The following PRR33 variants were observed in gnomAD, a reference collection of about 807,000 sequenced individuals.
PRR33 encodes proline-rich protein 33.
PRR33 carries 1 observed loss-of-function variant against 0.5 expected under a neutral mutation model. That is an observed-to-expected ratio of 2.18 (90% CI 0.77 to 10.34). The LOEUF (loss-of-function observed/expected upper bound fraction) is 10.34, where lower values mean the gene tolerates loss of function less well. Ranked by LOEUF, PRR33 falls within the 30% of genes most tolerant of loss-of-function variation. The pLI, the probability that PRR33 is intolerant of heterozygous loss-of-function variation, is 0.13. For missense variants in PRR33, 552 were observed against 251.8 expected, an observed-to-expected ratio of 2.19 and a Z score of -8.07; for synonymous variants, 226 against 110.0, an observed-to-expected ratio of 2.06 and a Z score of -6.60.
At chr11:1,893,423 G>T (rs1275303484), upstream of PRR33, among the ~76,000 whole-genome samples, 2 of 141,336 alleles carry the variant, frequency 1.4e-5, no homozygotes, top group African/African-American at 5.2e-5. Context: ...GTGGGTGGGA[G>T]GATGGCTGGC....
chr11:1,888,050 C>T (rs556946917), downstream of PRR33, among the ~76,000 whole-genome samples: 1 of 152,294 alleles, frequency 6.6e-6, no homozygotes, highest in South Asian at 2.1e-4. Flanking sequence ...CTCCCCATCC[C>T]ATGCTGCAGA....
At chr11:1,913,367 C>T in the PRR33 span, among the ~76,000 whole-genome samples, 10 of 151,028 alleles carry the variant, frequency 6.6e-5, no homozygotes, top group East Asian at 4.0e-4. Context: ...AGGCTGGTCT[C>T]GAACTCCTGA....
At chr11:1,912,328 T>A in the PRR33 span, among the ~76,000 whole-genome samples, 1 of 152,106 alleles carries the variant, frequency 6.6e-6, no homozygotes, top group Non-Finnish European at 1.5e-5. Flanking sequence ...GAATGCAAGG[T>A]TCAATGTCTT....
chr11:1,899,204 G>T, the PRR33 span, among the ~76,000 whole-genome samples: 1 of 152,174 alleles, frequency 6.6e-6, no homozygotes, highest in Non-Finnish European at 1.5e-5. Context: ...TATCTGGGAT[G>T]CCAGCTGCTT....
chr11:1,897,220 C>A, the PRR33 span, among the ~76,000 whole-genome samples: 3 of 152,168 alleles, frequency 2.0e-5, no homozygotes, highest in Non-Finnish European at 4.4e-5. The surrounding 1 kb of genome is among the most constrained non-coding windows in gnomAD (Gnocchi z 4.0). Context: ...ATGGAGAAGG[C>A]GGAACATAAA....
chr11:1,904,251 G>A, the PRR33 span, among the ~76,000 whole-genome samples: 5 of 152,186 alleles, frequency 3.3e-5, no homozygotes, highest in African/African-American at 7.2e-5. Flanking sequence ...AAACTTGGCC[G>A]GGCGCAGTGG....
At position 1,890,101 on chromosome 11, in the gene PRR33, G is replaced by A. The variant is rs548512157; in HGVS notation, c.484C>T (p.Arg162Trp). 266 of 716,616 alleles carry A rather than the reference G, an allele frequency of 3.7e-4. 1 individual carries two copies. In the African/African-American group the frequency reaches 4.3e-3, roughly 12 times the overall value. 44.4% of individuals were successfully genotyped at this position (716,616 alleles called of 1,614,324 possible). ...ACAGGGACGAAGCCACTGGGGGGCCGGGTAGGTTCTGGGGCCGAGGCTACA... is the reference window on the plus strand; with the variant it reads ...ACAGGGACGAAGCCACTGGGGGGCCAGGTAGGTTCTGGGGCCGAGGCTACA... The change falls in exon 1 of 1, where the codon CGG becomes TGG. Residue 162 changes from arginine to tryptophan, a missense_variant. Coordinates refer to ENST00000640310, the Ensembl canonical transcript of PRR33.
the PRR33 span, among the ~76,000 whole-genome samples, chr11:1,910,689 C>T: frequency 2.6e-5 from 4 of 152,308 alleles, no homozygotes; most frequent in African/African-American, 9.6e-5. Context: ...ATCAACGATC[C>T]CATCAATGGT....
At chr11:1,900,205 A>G in the PRR33 span, among the ~76,000 whole-genome samples, 1 of 152,072 alleles carries the variant, frequency 6.6e-6, no homozygotes. Flanking sequence ...ATATCTTCTT[A>G]AATACCAATT....
At chr11:1,895,142 T>C (rs1413226331), upstream of PRR33, among the ~76,000 whole-genome samples, 1 of 152,208 alleles carries the variant, frequency 6.6e-6, no homozygotes, top group Non-Finnish European at 1.5e-5. Context: ...TTCTTTCTTT[T>C]TTTTTTTGAG....
chr11:1,901,684 A>C, the PRR33 span, among the ~76,000 whole-genome samples: 1 of 152,224 alleles, frequency 6.6e-6, no homozygotes, highest in African/African-American at 2.4e-5. Context: ...TTTCAGCTTA[A>C]ATACTGTACC....
At chr11:1,910,599 G>A in the PRR33 span, among the ~76,000 whole-genome samples, 1 of 152,118 alleles carries the variant, frequency 6.6e-6, no homozygotes, top group Non-Finnish European at 1.5e-5. Flanking sequence ...AATCAATCAG[G>A]TGGTTCTTCG....
chr11:1,892,756 G>C (rs572553942), upstream of PRR33, among the ~76,000 whole-genome samples: 1 of 152,034 alleles, frequency 6.6e-6, no homozygotes, highest in South Asian at 2.1e-4. Flanking sequence ...AGGTGGGCGA[G>C]TGGATGAATG....
chr11:1,912,361 G>C, the PRR33 span, among the ~76,000 whole-genome samples: 1 of 152,130 alleles, frequency 6.6e-6, no homozygotes, highest in South Asian at 2.1e-4. Context: ...GTCTATGCAA[G>C]GTTTGAACTT....
upstream of PRR33, among the ~76,000 whole-genome samples, chr11:1,892,592 A>G (rs180923805): frequency 3.3e-5 from 5 of 152,376 alleles, no homozygotes; most frequent in African/African-American, 1.2e-4. Flanking sequence ...GCCTCCCCCA[A>G]CACCACACAG....
At chr11:1,888,386 C>A (rs79310786) in exon 1 of PRR33, among the ~76,000 whole-genome samples, 2,149 of 152,298 alleles carry the variant, frequency 0.014, 43 homozygotes, top group East Asian at 0.072. Flanking sequence ...CCCTCCTCAT[C>A]CAGCTGTCAA....
the PRR33 span, among the ~76,000 whole-genome samples, chr11:1,909,367 CT>C: frequency 6.6e-6 from 1 of 151,886 alleles, no homozygotes; most frequent in Non-Finnish European, 1.5e-5. Context: ...AATCCCAGCA[CT>C]TTGGGAGGCT....
At chr11:1,917,647 G>A in the PRR33 span, among the ~76,000 whole-genome samples, 1 of 152,246 alleles carries the variant, frequency 6.6e-6, no homozygotes, top group Admixed American at 6.5e-5. Flanking sequence ...ACCTGGTGCA[G>A]GCCCTCGAGG....
chr11:1,890,180 G>A lies in PRR33; in HGVS notation c.405C>T (p.Gly135=), dbSNP rs1466502867. Residue 135 remains glycine, a synonymous_variant, in exon 1 of 1, where the codon GGC becomes GGT. Transcript: ENST00000640310. ...CAGCTAGAATCCTGCGCTGGGTGAG[G>A]CCGATGGAGAACGTGGACTTCTGCA... 3 of 717,096 alleles carry A rather than the reference G, an allele frequency of 4.2e-6. No homozygotes were observed. The East Asian group carries it at 8.0e-5, about 19-fold the overall frequency. The allele number at this position is 717,096 out of a possible 1,614,324, so 44.4% of individuals were successfully genotyped here. A position where few individuals can be genotyped will look rare whatever the true frequency, so the allele number is the denominator to read the frequency against.
Sources: gnomAD v4.1 joint callset for allele counts (sites outside exome capture counted in the v4.1 genomes callset) on GRCh38, gnomAD v4.1.1 for gene constraint, Gnocchi (gnomAD v3.1) non-coding constraint, MANE v1.5 for transcripts, NCBI Gene and HGNC (gene_info 2026-07-23, HGNC 2026-07-21) for gene names.